Variants in PDZD9 observed in about 807,000 individuals in gnomAD.
PDZD9 encodes the protein PDZ domain containing 9.
In PDZD9, 13 loss-of-function variants were observed where a neutral mutation model predicts 16.3. The observed-to-expected ratio is 0.80, with a 90% CI of 0.52 to 1.27. PDZD9 has a LOEUF of 1.27. PDZD9 is among the 50% of genes most tolerant of loss of function. The pLI, the probability that PDZD9 is intolerant of heterozygous loss-of-function variation, is 0.00. For synonymous variants in PDZD9, 120 were observed against 111.0 expected (o/e 1.08, Z -0.51); for missense variants, 288 against 310.9 (o/e 0.93, Z 0.55).
At chr16:21,957,874 TC>T in the PDZD9 span, among the ~76,000 whole-genome samples, 1 of 152,230 alleles carries the variant, frequency 6.6e-6, no homozygotes, top group Admixed American at 6.5e-5. Context: ...CCCTTCATGT[TC>T]CTTGACCTGC....
At chr16:21,970,882 A>G in the PDZD9 span, among the ~76,000 whole-genome samples, 4 of 151,782 alleles carry the variant, frequency 2.6e-5, no homozygotes, top group Non-Finnish European at 4.4e-5. Context: ...CACCGTGCCC[A>G]GTCAACTTTG....
At chr16:21,961,197 A>C in the PDZD9 span, 4 of 278,620 alleles carry the variant, frequency 1.4e-5, no homozygotes, top group African/African-American at 6.7e-5. Flanking sequence ...TGATAGGAGT[A>C]TAAATTGATA....
the PDZD9 span, chr16:21,957,628 GA>G: frequency 1.3e-6 from 2 of 1,538,498 alleles, no homozygotes; most frequent in Non-Finnish European, 1.7e-6. Flanking sequence ...CTGTGAAAAA[GA>G]AAAACTAAGA....
intron 3 of PDZD9, among the ~76,000 whole-genome samples, chr16:21,987,281 G>A (rs186189058): frequency 1.6e-4 from 25 of 152,242 alleles, no homozygotes; most frequent in Non-Finnish European, 2.8e-4. Flanking sequence ...TTAGCTGGGT[G>A]TGTTGGCATG....
the PDZD9 span, chr16:21,976,046 C>T: frequency 2.8e-5 from 18 of 641,080 alleles, no homozygotes; most frequent in Non-Finnish European, 4.8e-5. Context: ...CGCATGGACA[C>T]TGTGCTGTTT....
rs772862170 is a variant in PDZD9, at chr16:21,996,374, G to C, written c.159C>G (p.Ile53Met). 1.1e-4 allele frequency: 164 copies of C among 1,535,974 alleles called. No individual in the cohort carries two copies. Among genetic ancestry groups the C allele is most frequent in the Non-Finnish European group, 1.4e-4 (156 of 1,146,862 alleles). The change falls in exon 2 of 4, where the codon ATC (isoleucine) becomes ATG (methionine). Residue 53 changes from isoleucine to methionine, a missense_variant. By Grantham distance (10) the Ile-to-Met change is conservative. Transcript: ENST00000424898. ...IIIQHGPYLQ[I>M]THLIRKGAAA... The stretch of plus-strand genomic sequence containing the variant: ...CAGCCCCCTTCCTGATGAGGTGGGT[G>C]ATCTGGAGGTAGGGTCCATGCTGGA...
chr16:21,976,504 C>A, the PDZD9 span: 1 of 354,576 alleles, frequency 2.8e-6, no homozygotes, highest in Non-Finnish European at 5.2e-6. Flanking sequence ...CCAGCTTGGG[C>A]AACATAGCAA....
At chr16:21,958,600 GT>G in the PDZD9 span, 1 of 1,611,324 alleles carries the variant, frequency 6.2e-7, no homozygotes. Context: ...GCAAATTAAG[GT>G]TTGTTAAATA....
chr16:21,991,982 G>A (rs2141959189), intron 2 of PDZD9, among the ~76,000 whole-genome samples: 1 of 152,304 alleles, frequency 6.6e-6, no homozygotes, highest in East Asian at 1.9e-4. Flanking sequence ...AGACTCAGTT[G>A]TGTAACTAAG....
chr16:21,981,499 A>G (rs1280005529), downstream of PDZD9, among the ~76,000 whole-genome samples: 1 of 152,120 alleles, frequency 6.6e-6, no homozygotes, highest in African/African-American at 2.4e-5. Context: ...CATTCCTGTA[A>G]TCCCAGCACT....
intron 1 of PDZD9, among the ~76,000 whole-genome samples, chr16:22,000,217 C>T (rs1420459936): frequency 6.6e-6 from 1 of 151,936 alleles, no homozygotes. Context: ...AAATAAAATA[C>T]AGTGACCCAT....
chr16:22,001,022 T>C lies in PDZD9; in HGVS notation c.26A>G (p.Lys9Arg), dbSNP rs1899287940. ...GCTTCCTTCTCCCCAGTTACCTTTT[T>C]TGTTTTTGTGGGAGGCCTTCTGCAT... MQKASHKN[K>R]KERGVSNKVK... The change falls in exon 1 of 4, where the codon AAA (lysine) becomes AGA (arginine). Residue 9 changes from lysine to arginine, a missense_variant. By Grantham distance (26) the Lys-to-Arg change is conservative. Transcript: ENST00000424898. 6.5e-7 allele frequency: 1 copy of C among 1,533,116 alleles called. No individual in the cohort carries two copies. The highest frequency in any genetic ancestry group is 8.7e-7 in the Non-Finnish European group (1 of 1,145,846). 95.0% of individuals were successfully genotyped at this position (1,533,116 alleles called of 1,614,324 possible). A position where few individuals can be genotyped will look rare whatever the true frequency, so the allele number is the denominator to read the frequency against.
chr16:21,971,406 C>T, the PDZD9 span: 3 of 795,774 alleles, frequency 3.8e-6, no homozygotes, highest in Non-Finnish European at 5.9e-6. Flanking sequence ...CAGGAAGACT[C>T]TTATTTATTT....
At chr16:21,980,553 G>GT, downstream of PDZD9, 1 of 1,613,680 alleles carries the variant, frequency 6.2e-7, no homozygotes, top group Non-Finnish European at 8.5e-7. Context: ...ACAGGAACAA[G>GT]CTGAAAGCTG....
chr16:21,967,977 TATGCTCTA>T, the PDZD9 span, among the ~76,000 whole-genome samples: 5 of 151,796 alleles, frequency 3.3e-5, no homozygotes, highest in African/African-American at 1.2e-4. Context: ...TAGGCCAGTG[TATGCTCTA>T]ATTTCTTTTT....
Position 21,984,315 on chromosome 16 carries a change from A to G in PDZD9, c.747T>C (p.Cys249=), listed in dbSNP as rs148209182. The change falls in exon 4 of 4, where the codon TGT becomes TGC. Residue 249 remains cysteine, a synonymous_variant. Coordinates refer to ENST00000424898, the MANE Select transcript of PDZD9 (RefSeq NM_001363519.1). ...STSDAFWLED[C]AQVEEGKAQL... ...GGGCTTTACCCTCTTCAACTTGGGC[A>G]CAATCTTCCAGCCAAAATGCATCTG... 17 of 1,614,094 alleles carry G rather than the reference A, an allele frequency of 1.1e-5. No homozygotes were observed. In the African/African-American group the frequency reaches 2.3e-4, roughly 22 times the overall value.
chr16:21,980,752 A>G, downstream of PDZD9: 1 of 1,597,952 alleles, frequency 6.3e-7, no homozygotes. Context: ...AACCTTAATG[A>G]TCCAATTTCA....
the PDZD9 span, chr16:21,976,468 G>T: frequency 2.4e-6 from 1 of 417,470 alleles, no homozygotes; most frequent in Non-Finnish European, 4.3e-6. Flanking sequence ...AAGGCAGGTG[G>T]TTCATTTGAG....
intron 2 of PDZD9, among the ~76,000 whole-genome samples, chr16:21,993,375 C>T (rs1398994587): frequency 6.6e-6 from 1 of 152,198 alleles, no homozygotes; most frequent in East Asian, 1.9e-4. Flanking sequence ...GCAGCAGCTT[C>T]CCCATGGGAC....
Sources: allele counts gnomAD v4.1 joint callset (sites outside exome capture counted in the v4.1 genomes callset), GRCh38; gene constraint gnomAD v4.1.1; transcripts MANE v1.5; gene names NCBI Gene and HGNC (gene_info 2026-07-23, HGNC 2026-07-21).